The following TMEM38B variants were observed in gnomAD, a reference collection of about 807,000 sequenced individuals.
TMEM38B encodes the protein transmembrane protein 38B.
A neutral mutation model predicts 28.7 loss-of-function variants in TMEM38B; 24 were observed. The observed-to-expected ratio is 0.84, with a 90% confidence interval of 0.61 to 1.18. TMEM38B has a LOEUF of 1.18. TMEM38B is among the 50% of genes most tolerant of loss of function. The probability of loss-of-function intolerance (pLI) is 0.00; values close to 1 mark genes in which losing one functional copy is unlikely to be tolerated. For synonymous variants in TMEM38B, 131 were observed against 127.7 expected (o/e 1.03, Z -0.17); for missense variants, 380 against 350.9 (o/e 1.08, Z -0.66).
chr9:105,765,032 T>C (rs905125168), intron 5 of TMEM38B, among the ~76,000 whole-genome samples: 21 of 152,224 alleles, frequency 1.4e-4, no homozygotes, highest in Admixed American at 2.0e-4. Flanking sequence ...TAGCCATATG[T>C]AGAAAGCTGA....
At chr9:105,703,256 G>A (rs1053459837) in intron 1 of TMEM38B, among the ~76,000 whole-genome samples, 2 of 152,140 alleles carry the variant, frequency 1.3e-5, no homozygotes, top group African/African-American at 4.8e-5. Context: ...AGGCTGAGGC[G>A]GGTGAATCAC....
intron 4 of TMEM38B, among the ~76,000 whole-genome samples, chr9:105,746,971 G>A (rs1173386429): frequency 1.3e-5 from 2 of 152,068 alleles, no homozygotes; most frequent in African/African-American, 4.8e-5. Flanking sequence ...TGCTGGATTC[G>A]GTTTGCCAGT....
intron 5 of TMEM38B, among the ~76,000 whole-genome samples, chr9:105,773,568 G>A (rs553840427): frequency 1.6e-4 from 24 of 152,264 alleles, no homozygotes; most frequent in South Asian, 1.4e-3. Flanking sequence ...TAAATGCATA[G>A]TGATGTTGAT....
At chr9:105,727,835 A>T (rs1411875064) in intron 4 of TMEM38B, among the ~76,000 whole-genome samples, 4 of 152,112 alleles carry the variant, frequency 2.6e-5, no homozygotes, top group African/African-American at 9.7e-5. Flanking sequence ...TCCTCTTGTG[A>T]TAAGTGAGTT....
At position 105,775,409 on chromosome 9, in the gene TMEM38B, A is replaced by C. The variant is rs1019475691; in HGVS notation, c.*1329A>C. The C allele has an allele frequency of 6.6e-6, 1 of 152,148 alleles. No homozygotes were observed. Among genetic ancestry groups the C allele is most frequent in the South Asian group, 2.1e-4 (1 of 4,836 alleles). 9.4% of individuals were successfully genotyped at this position (152,148 alleles called of 1,614,324 possible). ...ACTCTGTGACATAGTTTCTTTTACC[A>C]AAACCATGAACCTACTCCCCGTATC... is the stretch of plus-strand genomic sequence containing the variant. On this transcript the variant is annotated 3_prime_UTR_variant, in exon 6 of 6. Transcript: ENST00000374692.
At chr9:105,765,931 A>G (rs1826356718) in intron 5 of TMEM38B, among the ~76,000 whole-genome samples, 1 of 152,148 alleles carries the variant, frequency 6.6e-6, no homozygotes, top group African/African-American at 2.4e-5. Context: ...CTTCTCGAGT[A>G]GATGGGAATA....
intron 4 of TMEM38B, among the ~76,000 whole-genome samples, chr9:105,747,639 T>TAG (rs1837469108): frequency 6.6e-6 from 1 of 152,186 alleles, no homozygotes; most frequent in Admixed American, 6.5e-5. Flanking sequence ...TGTTTGCTCT[T>TAG]GCTTCTCTAG....
chr9:105,700,827 A>G (rs10739210), intron 1 of TMEM38B, among the ~76,000 whole-genome samples: 61,286 of 151,960 alleles, frequency 0.4, 13,726 homozygotes, highest in East Asian at 0.59. Context: ...GAAAAGTGCA[A>G]AAGTCATAAA....
At chr9:105,771,076 T>A (rs1826528718) in intron 5 of TMEM38B, among the ~76,000 whole-genome samples, 1 of 152,190 alleles carries the variant, frequency 6.6e-6, no homozygotes, top group Admixed American at 6.5e-5. Context: ...AATTAATTTA[T>A]ATTTTGGGAT....
chr9:105,697,895 T>G (rs191950438), intron 1 of TMEM38B, among the ~76,000 whole-genome samples: 3 of 152,182 alleles, frequency 2.0e-5, no homozygotes, highest in African/African-American at 7.2e-5. Flanking sequence ...TATAGTTCTA[T>G]AAAAGTATAG....
chr9:105,739,100 C>T, intron 4 of TMEM38B, among the ~76,000 whole-genome samples: 1 of 151,984 alleles, frequency 6.6e-6, no homozygotes, highest in South Asian at 2.1e-4. Context: ...GTCCTAGCAC[C>T]ATTTATTGAA....
At chr9:105,757,747 C>A (rs7026968) in intron 5 of TMEM38B, among the ~76,000 whole-genome samples, 1 of 151,920 alleles carries the variant, frequency 6.6e-6, no homozygotes, top group Non-Finnish European at 1.5e-5. Context: ...TTAAGAGATA[C>A]TTGGTGACCT....
At chr9:105,771,235 A>G (rs1295687786) in intron 5 of TMEM38B, among the ~76,000 whole-genome samples, 3 of 152,140 alleles carry the variant, frequency 2.0e-5, no homozygotes, top group East Asian at 3.8e-4. Flanking sequence ...ACAGTTTTAT[A>G]TTTTATTTGT....
At chr9:105,751,820 T>C (rs1280612728) in intron 5 of TMEM38B, among the ~76,000 whole-genome samples, 1 of 152,204 alleles carries the variant, frequency 6.6e-6, no homozygotes, top group Non-Finnish European at 1.5e-5. Flanking sequence ...ACAGCTGCCT[T>C]GGCAGATCAT....
chr9:105,759,723 T>C, intron 5 of TMEM38B: 1 of 1,601,202 alleles, frequency 6.2e-7, no homozygotes, highest in Non-Finnish European at 8.5e-7. Context: ...TGTTGAATCT[T>C]CATTCAGAGG....
chr9:105,744,695 C>G (rs555163407), intron 4 of TMEM38B, among the ~76,000 whole-genome samples: 21 of 152,106 alleles, frequency 1.4e-4, no homozygotes, highest in African/African-American at 4.3e-4. Context: ...ATTAACTCGT[C>G]ATTTAACATT....
At chr9:105,727,304 A>G (rs545925043) in intron 4 of TMEM38B, among the ~76,000 whole-genome samples, 1 of 151,868 alleles carries the variant, frequency 6.6e-6, no homozygotes, top group Non-Finnish European at 1.5e-5. Context: ...CCCATGTGAG[A>G]TCATGCAGTA....
At chr9:105,747,059 A>C (rs548743630) in intron 4 of TMEM38B, among the ~76,000 whole-genome samples, 202 of 152,280 alleles carry the variant, frequency 1.3e-3, no homozygotes, top group African/African-American at 4.6e-3. Flanking sequence ...TGTCTCTGCC[A>C]GGCTTTGGTA....
rs778527358 is a variant in TMEM38B, at chr9:105,748,063, T to G, written c.543-10T>G. On this transcript the variant is annotated splice_polypyrimidine_tract_variant and intron_variant, in intron 4 of 5. Transcript: ENST00000374692. ...ATTACTTGCTGATTTAAAATGTGTT[T>G]TATTTTCAGCCCTGCCAAGGTAACC... 6.9e-5 allele frequency: 110 copies of G among 1,592,126 alleles called. 2 individuals carry two copies. In the Middle Eastern group the frequency reaches 0.01, roughly 150 times the overall value.
Sources: gnomAD v4.1 joint callset for allele counts (sites outside exome capture counted in the v4.1 genomes callset) on GRCh38, gnomAD v4.1.1 for gene constraint, MANE v1.5 for transcripts, NCBI Gene and HGNC (gene_info 2026-07-23, HGNC 2026-07-21) for gene names.